The following GALNS variants were observed in gnomAD, a reference collection of about 807,000 sequenced individuals.
GALNS encodes the protein galactosamine (N-acetyl)-6-sulfatase, also known as N-acetylgalactosamine-6-sulfatase.
Under a neutral mutation model 65.9 loss-of-function variants are expected in GALNS, and 65 were observed. The observed-to-expected ratio is 0.99, with a 90% CI of 0.81 to 1.21. The LOEUF is 1.21. Among genes scored for constraint, GALNS ranks in the 50% most tolerant of loss-of-function variants. The probability of loss-of-function intolerance (pLI) is 0.00; values close to 1 mark genes in which losing one functional copy is unlikely to be tolerated. For missense variants in GALNS, 776 were observed against 700.7 expected, an observed-to-expected ratio of 1.11 and a Z score of -1.21; for synonymous variants, 346 against 288.9, an observed-to-expected ratio of 1.20 and a Z score of -2.00.
At chr16:88,853,440 A>G (rs1193884370) in intron 1 of GALNS, among the ~76,000 whole-genome samples, 1 of 152,050 alleles carries the variant, frequency 6.6e-6, no homozygotes. Flanking sequence ...TCTGTTTCAA[A>G]CGAGGGGCAC....
At chr16:88,820,360 C>G (rs1234917594) in intron 12 of GALNS, among the ~76,000 whole-genome samples, 2 of 152,116 alleles carry the variant, frequency 1.3e-5, no homozygotes, top group African/African-American at 4.8e-5. Flanking sequence ...AACTCCTGAC[C>G]TCAGGTGATC....
rs768842620 is a variant in GALNS, at chr16:88,856,910, C to G, written c.-33G>C. On this transcript the variant is annotated 5_prime_UTR_variant, in exon 1 of 14. Transcript: ENST00000268695. ...ACGGGAGCCGCGGAGCCCCGGCCAG[C>G]GAGCCGACCTAGCGAGCGTCCGCCG... 2.0e-6 allele frequency: 3 copies of G among 1,496,108 alleles called. No homozygotes were observed. The highest frequency in any genetic ancestry group is 1.2e-5 in the South Asian group (1 of 80,164). 92.7% of individuals were successfully genotyped at this position (1,496,108 alleles called of 1,614,324 possible). A position where few individuals can be genotyped will look rare whatever the true frequency, so the allele number is the denominator to read the frequency against.
chr16:88,848,527 G>C (rs891049896), intron 1 of GALNS, among the ~76,000 whole-genome samples: 2 of 151,542 alleles, frequency 1.3e-5, no homozygotes, highest in South Asian at 2.1e-4. Flanking sequence ...CAGCTACTCG[G>C]GAGGCTGAGG....
At chr16:88,835,510 A>G (rs901899461) in intron 7 of GALNS, among the ~76,000 whole-genome samples, 158 bp from the exon 8 acceptor site, 1 of 152,188 alleles carries the variant, frequency 6.6e-6, no homozygotes, top group African/African-American at 2.4e-5. Flanking sequence ...GAATGGCCTC[A>G]GTTCAAGTTC....
chr16:88,828,616 A>G (rs1911167369), intron 9 of GALNS, among the ~76,000 whole-genome samples: 1 of 152,196 alleles, frequency 6.6e-6, no homozygotes, highest in South Asian at 2.1e-4. Context: ...GGCTCTGGGA[A>G]GAGGGTTTCC....
intron 4 of GALNS, chr16:88,838,901 T>G (rs564771364): frequency 6.5e-6 from 1 of 152,676 alleles, no homozygotes; most frequent in Non-Finnish European, 1.5e-5. Flanking sequence ...ACATGGCCTC[T>G]GTACCCTGGA....
chr16:88,850,041 C>G (rs1308293582), intron 1 of GALNS, among the ~76,000 whole-genome samples: 1 of 152,120 alleles, frequency 6.6e-6, no homozygotes, highest in Non-Finnish European at 1.5e-5. Flanking sequence ...CACACACGCC[C>G]AAAGCTCCTT....
At chr16:88,818,638 A>C (rs1222168301) in intron 12 of GALNS, among the ~76,000 whole-genome samples, 1 of 152,206 alleles carries the variant, frequency 6.6e-6, no homozygotes, top group African/African-American at 2.4e-5. Flanking sequence ...AGATACGATT[A>C]CACGGCTCGA....
In GALNS at chr16:88,832,048, T is replaced by A. The variant is rs537013895; in HGVS notation, c.952A>T (p.Met318Leu). ...CACCATGCGAGGGCAGGCTCCCTCA[T>A]CCCTCCTTCAAACGTGGTCTGCTTC... The part of the protein sequence containing the change: ...CGKQTTFEGG[M>L]REPALAWWPG... Residue 318 changes from methionine (M) to leucine (L), a missense_variant, in exon 9 of 14, where the codon ATG becomes TTG. By Grantham distance (15) the Met-to-Leu change is conservative. Transcript: ENST00000268695. The A allele has an allele frequency of 1.6e-5, 26 of 1,613,824 alleles. No homozygotes were observed. In the East Asian group the frequency reaches 4.2e-4, roughly 26 times the overall value.
chr16:88,839,930 T>TG (rs1966890716), intron 4 of GALNS, among the ~76,000 whole-genome samples: 1 of 152,234 alleles, frequency 6.6e-6, no homozygotes, highest in South Asian at 2.1e-4. Flanking sequence ...GCTTGTCACT[T>TG]GGAGAGGCCA....
chr16:88,836,903 G>A (rs115358482), intron 5 of GALNS, among the ~76,000 whole-genome samples: 2,224 of 152,282 alleles, frequency 0.015, 47 homozygotes, highest in African/African-American at 0.05. Context: ...CATGGGGCTC[G>A]TTCTGAAGCA....
intron 1 of GALNS, among the ~76,000 whole-genome samples, chr16:88,850,155 G>C (rs777182186): frequency 1.3e-5 from 2 of 152,260 alleles, no homozygotes; most frequent in Non-Finnish European, 2.9e-5. Flanking sequence ...GTGGGCCGGG[G>C]GCACAAGGCC....
In GALNS at chr16:88,822,727, G is replaced by T; in HGVS notation, c.1243-17C>A. ...ATCAATGCCCTGCAATGAGAAGAGG[G>T]AAGGTGTGTCCTGGAGCCCCTGACC... On this transcript the variant is annotated splice_polypyrimidine_tract_variant and intron_variant, in intron 11 of 13. Transcript: ENST00000268695. 6.2e-7 allele frequency: 1 copy of T among 1,610,962 alleles called. No individual in the cohort carries two copies. The highest frequency in any genetic ancestry group is 8.5e-7 in the Non-Finnish European group (1 of 1,178,788).
At chr16:88,819,017 C>A (rs8046236) in intron 12 of GALNS, among the ~76,000 whole-genome samples, 53,049 of 152,090 alleles carry the variant, frequency 0.35, 9,579 homozygotes, top group East Asian at 0.58. Context: ...ATGGCAGCAC[C>A]TGTCCAGGCC....
At chr16:88,821,087 G>A (rs746019697) in intron 12 of GALNS, among the ~76,000 whole-genome samples, 1 of 152,152 alleles carries the variant, frequency 6.6e-6, no homozygotes, top group East Asian at 1.9e-4. Flanking sequence ...CCCCGGGGGC[G>A]TCTGTCTCTG....
rs901523201 is a variant in GALNS, at chr16:88,820,276, C to T, written c.1365-2152G>A. Among the ~76,000 whole-genome samples, 135 of 152,092 alleles carry T rather than the reference C, an allele frequency of 8.9e-4. 2 individuals are homozygous for T. Among genetic ancestry groups the T allele is most frequent in the Non-Finnish European group, 2.4e-4 (16 of 68,000 alleles). Reference sequence around the variant, plus strand: ...CTCGAGTAGCTGGGATTACAGGCACCGACCAACACATCCAGCTAATTTTTT... The same window carrying T: ...CTCGAGTAGCTGGGATTACAGGCACTGACCAACACATCCAGCTAATTTTTT... On this transcript the variant is annotated intron_variant, in intron 12 of 13. Coordinates refer to ENST00000268695, the MANE Select transcript of GALNS (RefSeq NM_000512.5).
Position 88,839,310 on chromosome 16 carries a change from C to T in GALNS, c.423-1545G>A, listed in dbSNP as rs1048185087. The stretch of plus-strand genomic sequence containing the variant: ...GCGCCAACGTCCGCAGGTCACCGCC[C>T]GGCCACAGGGGACACTCGTGCTTCC... On this transcript the variant is annotated intron_variant, in intron 4 of 13. Transcript: ENST00000268695. Among the ~76,000 whole-genome samples, 5 of 152,322 alleles carry T rather than the reference C, an allele frequency of 3.3e-5. No individual in the cohort carries two copies. The East Asian group carries it at 7.7e-4, about 24-fold the overall frequency.
At position 88,814,182 on chromosome 16, in the gene GALNS, C is replaced by G. The variant is rs1455982907; in HGVS notation, c.*257G>C. 1 of 574,062 alleles carries G rather than the reference C, an allele frequency of 1.7e-6. No individual in the cohort carries two copies. Among genetic ancestry groups the G allele is most frequent in the Non-Finnish European group, 3.1e-6 (1 of 320,158 alleles). The allele number at this position is 574,062 out of a possible 1,614,324, so 35.6% of individuals were successfully genotyped here. A position where few individuals can be genotyped will look rare whatever the true frequency, so the allele number is the denominator to read the frequency against. ...TGGGGTTCACAAAGGCGTGAGACGG[C>G]AGGGTCCTGAGGTCTGAGGCGCCGT... is the stretch of plus-strand genomic sequence containing the variant. On this transcript the variant is annotated 3_prime_UTR_variant, in exon 14 of 14. Coordinates refer to ENST00000268695, the MANE Select transcript of GALNS (RefSeq NM_000512.5).
intron 1 of GALNS, among the ~76,000 whole-genome samples, chr16:88,853,843 C>A (rs1180925440): frequency 6.6e-6 from 1 of 152,130 alleles, no homozygotes; most frequent in Non-Finnish European, 1.5e-5. Context: ...GCTCAGCTCC[C>A]CCTGGACAGG....
Sources: gnomAD v4.1 joint callset for allele counts (sites outside exome capture counted in the v4.1 genomes callset) on GRCh38, gnomAD v4.1.1 for gene constraint, MANE v1.5 for transcripts, NCBI Gene and HGNC (gene_info 2026-07-23, HGNC 2026-07-21) for gene names.